The following DNAJA1 variants were observed in gnomAD, a reference collection of about 807,000 sequenced individuals.
The protein encoded by DNAJA1 is DnaJ heat shock protein family (Hsp40) member A1, also known as dnaJ homolog subfamily A member 1.
A neutral mutation model predicts 47.6 loss-of-function variants in DNAJA1; 26 were observed. That is an observed-to-expected ratio of 0.55 (90% CI 0.40 to 0.76). The LOEUF (loss-of-function observed/expected upper bound fraction) is 0.76, where lower values mean the gene tolerates loss of function less well. DNAJA1 is among the 30% of genes least tolerant of loss of function. The pLI is 0.00. For missense variants in DNAJA1, 315 were observed against 485.0 expected (o/e 0.65, Z 3.29); for synonymous variants, 165 against 158.4 (o/e 1.04, Z -0.31).
chr9:33,038,737 A>C lies in DNAJA1; in HGVS notation c.1028A>C (p.Glu343Ala). 6.2e-7 allele frequency: 1 copy of C among 1,614,162 alleles called. No homozygotes were observed. The highest frequency in any genetic ancestry group is 2.2e-5 in the East Asian group (1 of 44,880). Residue 343 changes from glutamate to alanine, a missense_variant, in exon 9 of 9, where the codon GAA (glutamate) becomes GCA (alanine). By Grantham distance (107) the Glu-to-Ala change is moderately radical. Around this residue, in one of 4 missense-constraint regions of DNAJA1, gnomAD observed 162 missense variants for 185.4 expected, o/e 0.87. Transcript: ENST00000330899. ...FLSPDKLSLL[E>A]KLLPERKEVE... ...TCTCCTGATAAACTGTCTTTGCTGG[A>C]AAAACTCCTACCCGAGAGGAAGGAA...
chr9:33,038,438 G>A (rs2119399231), intron 8 of DNAJA1, among the ~76,000 whole-genome samples: 1 of 152,314 alleles, frequency 6.6e-6, no homozygotes, highest in South Asian at 2.1e-4. Context: ...TAGAACAATG[G>A]TTGTTAAAGT....
At chr9:33,025,535 T>C (rs1838795024) in intron 1 of DNAJA1, among the ~76,000 whole-genome samples, 152 bp downstream of exon 1, 1 of 152,208 alleles carries the variant, frequency 6.6e-6, no homozygotes, top group South Asian at 2.1e-4. Flanking sequence ...AGGGCTGGTG[T>C]GGTGCCCTGG....
chr9:33,028,042 A>G (rs1838901709), intron 3 of DNAJA1, among the ~76,000 whole-genome samples: 2 of 151,680 alleles, frequency 1.3e-5, no homozygotes, highest in East Asian at 3.9e-4. Flanking sequence ...AAAAAAAAAA[A>G]AAAAAAAAGA....
chr9:33,035,056 T>TA (rs1564014275), intron 6 of DNAJA1, among the ~76,000 whole-genome samples: 6 of 148,162 alleles, frequency 4.0e-5, no homozygotes, highest in Non-Finnish European at 6.0e-5. Context: ...TTTTTTTTTT[T>TA]AATGGAGTGG....
In DNAJA1 at chr9:33,038,858, T is replaced by G. The variant is rs1364905150; in HGVS notation, c.1149T>G (p.Asp383Glu). ...RRHYNGEAYE[D>E]DEHHPRGGVQ... ...ACTACAATGGAGAAGCATATGAGGA[T>G]GATGAACATCATCCCAGAGGTGGTG... Residue 383 changes from aspartate (D) to glutamate (E), a missense_variant, in exon 9 of 9, where the codon GAT (aspartate) becomes GAG (glutamate). Asp to Glu is a conservative substitution (Grantham distance 45, BLOSUM62 2). Coordinates refer to ENST00000330899, the MANE Select transcript of DNAJA1 (RefSeq NM_001539.4). The G allele has an allele frequency of 6.2e-7, 1 of 1,613,736 alleles. No homozygotes were observed. Among genetic ancestry groups the G allele is most frequent in the African/African-American group, 1.3e-5 (1 of 74,912 alleles).
intron 5 of DNAJA1, 45 bp from the exon 6 acceptor site, chr9:33,034,171 A>C: frequency 7.6e-7 from 1 of 1,307,518 alleles, no homozygotes; most frequent in Non-Finnish European, 1.1e-6. Flanking sequence ...TTCTGACCTT[A>C]GTTGGATATT....
Position 33,038,679 on chromosome 9 carries a change from T to C in DNAJA1, c.976-6T>C, listed in dbSNP as rs760589124. 18 of 1,612,894 alleles carry C rather than the reference T, an allele frequency of 1.1e-5. No individual in the cohort carries two copies. The highest frequency in any genetic ancestry group is 1.4e-5 in the Non-Finnish European group (17 of 1,179,448). On this transcript the variant is annotated splice_polypyrimidine_tract_variant and splice_region_variant and intron_variant, in intron 8 of 8. Coordinates refer to ENST00000330899, the MANE Select transcript of DNAJA1 (RefSeq NM_001539.4). ...TCAGATTGAACAGTGAAAGTTTCTT[T>C]TGAAGGTAAACTTTCCTGAGAATGG... is the stretch of plus-strand genomic sequence containing the variant.
chr9:33,036,629 G>A lies in DNAJA1; in HGVS notation c.814G>A (p.Gly272Ser). 6 of 1,614,030 alleles carry A rather than the reference G, an allele frequency of 3.7e-6. No individual in the cohort carries two copies. The highest frequency in any genetic ancestry group is 5.1e-6 in the Non-Finnish European group (6 of 1,179,972). Residue 272 changes from glycine to serine, a missense_variant, in exon 7 of 9, where the codon GGC becomes AGC. Physicochemically the swap from Gly to Ser is moderately conservative, Grantham distance 56. Around this residue, in one of 4 missense-constraint regions of DNAJA1, gnomAD observed 162 missense variants for 185.4 expected, o/e 0.87. Coordinates refer to ENST00000330899, the MANE Select transcript of DNAJA1 (RefSeq NM_001539.4). ...MDIQLVEALCGFQKPISTLDN... is the reference protein window; with the variant it reads ...MDIQLVEALCSFQKPISTLDN... ...CATACAGCTCGTTGAAGCACTGTGT[G>A]GCTTCCAGAAGCCAATATCTACTCT...
chr9:33,026,622 T>C lies in DNAJA1; in HGVS notation c.132+6T>C. The stretch of plus-strand genomic sequence containing the variant: ...ACCCAAATGAAGGAGAGAAGGTGAA[T>C]AGTATCTACTCTTAAACGTATCTGA... On this transcript the variant is annotated splice_donor_region_variant and intron_variant, in intron 2 of 8. Transcript: ENST00000330899. The C allele has an allele frequency of 1.3e-6, 2 of 1,599,370 alleles. No individual in the cohort carries two copies. Among genetic ancestry groups the C allele is most frequent in the Non-Finnish European group, 1.7e-6 (2 of 1,176,408 alleles).
intron 1 of DNAJA1, 51 bp from the exon 2 acceptor site, chr9:33,026,424 A>G: frequency 6.4e-7 from 1 of 1,569,172 alleles, no homozygotes. Context: ...TCTCTTTTTT[A>G]TTAAAAGCTA....
intron 8 of DNAJA1, chr9:33,037,366 T>TA (rs1428309562): frequency 6.5e-6 from 2 of 306,898 alleles, no homozygotes; most frequent in Non-Finnish European, 1.2e-5. Context: ...ACCTGAAACT[T>TA]ACATTTTTCC....
At chr9:33,031,191 G>T (rs1838956227) in intron 5 of DNAJA1, among the ~76,000 whole-genome samples, 1 of 152,184 alleles carries the variant, frequency 6.6e-6, no homozygotes, top group Non-Finnish European at 1.5e-5. Flanking sequence ...CTGCCTCCCG[G>T]GTTCAAGCAG....
intron 6 of DNAJA1, among the ~76,000 whole-genome samples, chr9:33,035,500 G>A (rs931562719): frequency 2.0e-5 from 3 of 151,818 alleles, no homozygotes; most frequent in Admixed American, 6.6e-5. Flanking sequence ...ATGCAGTTTC[G>A]CTCAACAGGC....
At position 33,025,353 on chromosome 9, in the gene DNAJA1, C is replaced by T. The variant is rs1012130576; in HGVS notation, c.-41C>T. On this transcript the variant is annotated 5_prime_UTR_variant, in exon 1 of 9. Coordinates refer to ENST00000330899, the MANE Select transcript of DNAJA1 (RefSeq NM_001539.4). ...GCGCACAGCTCGGCGCTCCTTCCCG[C>T]TCCCTCACACACCGGCCTCAGCCCG... The T allele has an allele frequency of 6.6e-6, 1 of 152,524 alleles. No homozygotes were observed. Among genetic ancestry groups the T allele is most frequent in the Admixed American group, 6.5e-5 (1 of 15,294 alleles). 9.4% of individuals were successfully genotyped at this position (152,524 alleles called of 1,614,324 possible).
chr9:33,037,424 A>G (rs558647447), intron 8 of DNAJA1: 2 of 201,928 alleles, frequency 9.9e-6, no homozygotes, highest in South Asian at 8.7e-5. Flanking sequence ...GCACACACCT[A>G]TAATCCCAGT....
At chr9:33,026,227 T>G (rs887889901) in intron 1 of DNAJA1, among the ~76,000 whole-genome samples, 2 of 152,226 alleles carry the variant, frequency 1.3e-5, no homozygotes, top group Admixed American at 6.5e-5. Flanking sequence ...TATGGAAGCT[T>G]TGGTGTAGGA....
intron 1 of DNAJA1, among the ~76,000 whole-genome samples, chr9:33,026,087 A>G (rs939567265): frequency 2.6e-5 from 4 of 152,218 alleles, no homozygotes; most frequent in African/African-American, 9.6e-5. Context: ...TATGGAGTTT[A>G]TCAGATTTGC....
chr9:33,030,746 T>G lies in DNAJA1; in HGVS notation c.643+79T>G, dbSNP rs57062539. 1.1e-3 allele frequency: 1,367 copies of G among 1,223,006 alleles called. 11 individuals carry two copies. In the African/African-American group the frequency reaches 0.018, roughly 16 times the overall value. 75.8% of individuals were successfully genotyped at this position (1,223,006 alleles called of 1,614,324 possible). A position where few individuals can be genotyped will look rare whatever the true frequency, so the allele number is the denominator to read the frequency against. ...TTAACATTTTATAATTGTTTAAAAA[T>G]CATTCTTAATTAGGTTATATATGAT... On this transcript the variant is annotated intron_variant, in intron 5 of 8. Transcript: ENST00000330899.
intron 5 of DNAJA1, 46 bp from the exon 6 acceptor site, chr9:33,034,170 T>C (rs765530708): frequency 7.7e-7 from 1 of 1,304,220 alleles, no homozygotes; most frequent in Non-Finnish European, 1.1e-6. Flanking sequence ...ATTCTGACCT[T>C]AGTTGGATAT....
Sources: gnomAD v4.1 joint callset for allele counts (sites outside exome capture counted in the v4.1 genomes callset) on GRCh38, gnomAD v4.1.1 for gene constraint, gnomAD v4.1.1 regional missense constraint, MANE v1.5 for transcripts, NCBI Gene and HGNC (gene_info 2026-07-23, HGNC 2026-07-21) for gene names.